The following ZZEF1 variants were observed in gnomAD, a reference collection of about 807,000 sequenced individuals.
The protein encoded by ZZEF1 is zinc finger ZZ-type and EF-hand domain-containing protein 1.
ZZEF1 carries 157 observed loss-of-function variants against 342.8 expected under a neutral mutation model. The observed-to-expected ratio is 0.46, with a 90% CI of 0.40 to 0.52. ZZEF1 has a LOEUF of 0.52. Ranked by LOEUF, ZZEF1 falls within the 20% of genes least tolerant of loss-of-function variation. The pLI, the probability that ZZEF1 is intolerant of heterozygous loss-of-function variation, is 0.00. For missense variants in ZZEF1, 3,480 were observed against 3,725.6 expected (o/e 0.93, Z 1.72); for synonymous variants, 1,505 against 1,429.1 (o/e 1.05, Z -1.20).
At chr17:4,082,132 C>A (rs530221115) in intron 17 of ZZEF1, among the ~76,000 whole-genome samples, 2 of 152,254 alleles carry the variant, frequency 1.3e-5, no homozygotes, top group East Asian at 3.9e-4. Flanking sequence ...TAACGTGACA[C>A]GAATACAAGA....
At chr17:4,046,769 T>A (rs561284244) in intron 37 of ZZEF1, among the ~76,000 whole-genome samples, 4 of 152,364 alleles carry the variant, frequency 2.6e-5, no homozygotes, top group East Asian at 1.9e-4. Context: ...AAATGACTTA[T>A]CTTTTTTCCT....
At chr17:4,112,518 C>T (rs2058330428) in intron 5 of ZZEF1, 91 bp downstream of exon 5, 1 of 1,301,740 alleles carries the variant, frequency 7.7e-7, no homozygotes, top group South Asian at 1.3e-5. Flanking sequence ...AAGAAGCAAA[C>T]CGAATCTCAA....
chr17:4,094,896 G>T (rs1597883272), intron 11 of ZZEF1, among the ~76,000 whole-genome samples: 1 of 152,092 alleles, frequency 6.6e-6, no homozygotes, highest in Non-Finnish European at 1.5e-5. Context: ...CTCCAGACTT[G>T]CTCTCCTCCA....
At position 4,085,757 on chromosome 17, in the gene ZZEF1, T is replaced by C. The variant is rs1216206383; in HGVS notation, c.2559A>G (p.Lys853=). Residue 853 remains lysine (K), a synonymous_variant, in exon 16 of 55, where the codon AAA becomes AAG. Transcript: ENST00000381638. Reference sequence around the variant, plus strand: ...TGAGAAGGGTATTCCTGACTTCTTGTTTTAGTATCTCCATGGGCACAGAGT... The same window carrying C: ...TGAGAAGGGTATTCCTGACTTCTTGCTTTAGTATCTCCATGGGCACAGAGT... ...DGDSVPMEIL[K]QEVRNTLLNG... is the part of the protein sequence containing the mutation. 6.2e-7 allele frequency: 1 copy of C among 1,614,144 alleles called. No homozygotes were observed. Among genetic ancestry groups the C allele is most frequent in the Non-Finnish European group, 8.5e-7 (1 of 1,180,000 alleles).
At chr17:4,128,527 T>C (rs2145574404) in intron 1 of ZZEF1, among the ~76,000 whole-genome samples, 1 of 150,546 alleles carries the variant, frequency 6.6e-6, no homozygotes, top group South Asian at 2.2e-4. Context: ...TTGCGTGATC[T>C]AGGCTCACTG....
At chr17:4,024,772 T>C in intron 43 of ZZEF1, 147 bp downstream of exon 43, 1 of 760,246 alleles carries the variant, frequency 1.3e-6, no homozygotes, top group Non-Finnish European at 2.2e-6. Context: ...AAGTTATCTG[T>C]GTGTAAGGCC....
chr17:4,039,641 CT>C (rs1166970366), intron 39 of ZZEF1, among the ~76,000 whole-genome samples: 393 of 119,560 alleles, frequency 3.3e-3, no homozygotes, highest in African/African-American at 7.2e-3. Context: ...AGAAAGAGAA[CT>C]TTTTTTTTTT....
At chr17:4,100,873 C>T (rs908315795) in intron 9 of ZZEF1, among the ~76,000 whole-genome samples, 2 of 152,080 alleles carry the variant, frequency 1.3e-5, no homozygotes, top group Non-Finnish European at 2.9e-5. Flanking sequence ...AATCCACTTC[C>T]TCACATGCTC....
Position 4,010,267 on chromosome 17 carries a change from C to T in ZZEF1, c.8580-510G>A, listed in dbSNP as rs185864902. ...TACTCGAGAGGCTGAGGTGGGAGGA[C>T]TGCTTGAGCCCAGGAGTTGGAGGTT... On this transcript the variant is annotated intron_variant, in intron 52 of 54. Transcript: ENST00000381638. Among the ~76,000 whole-genome samples the T allele has an allele frequency of 4.1e-3, 629 of 151,634 alleles. 2 individuals are homozygous for T. The highest frequency in any genetic ancestry group is 7.7e-3 in the Non-Finnish European group (521 of 67,860).
intron 13 of ZZEF1, 77 bp from the exon 14 acceptor site, chr17:4,087,611 C>A: frequency 7.8e-7 from 1 of 1,279,810 alleles, no homozygotes. Context: ...TCATTTACTT[C>A]TAATTGTAAA....
chr17:4,087,605 T>TACAG (rs2057857324), intron 13 of ZZEF1, 71 bp from the exon 14 acceptor site: 1 of 1,308,502 alleles, frequency 7.6e-7, no homozygotes, highest in Non-Finnish European at 1.1e-6. Context: ...AATGCCTCAT[T>TACAG]TACTTCTAAT....
Position 4,142,530 on chromosome 17 carries a change from G to C in ZZEF1, c.354+12C>G. 2 of 1,589,040 alleles carry C rather than the reference G, an allele frequency of 1.3e-6. No individual in the cohort carries two copies. The highest frequency in any genetic ancestry group is 3.3e-4 in the Middle Eastern group (2 of 6,018). On this transcript the variant is annotated intron_variant, in intron 1 of 54. Coordinates refer to ENST00000381638, the MANE Select transcript of ZZEF1 (RefSeq NM_015113.4). Reference sequence around the variant, plus strand: ...CCCTGCCCCATCCCCGCAGTCGCCTGCCGGCCCTGACCTCCTCGAACTGCT... The same window carrying C: ...CCCTGCCCCATCCCCGCAGTCGCCTCCCGGCCCTGACCTCCTCGAACTGCT...
chr17:4,066,323 G>C (rs999763114), intron 28 of ZZEF1, 124 bp downstream of exon 28: 1 of 788,038 alleles, frequency 1.3e-6, no homozygotes. Context: ...TTTAGCATCT[G>C]TGTTACTTTC....
chr17:4,112,330 G>C (rs977064648), intron 5 of ZZEF1, among the ~76,000 whole-genome samples: 1 of 151,440 alleles, frequency 6.6e-6, no homozygotes, highest in African/African-American at 2.4e-5. Flanking sequence ...ATTTTTAGTA[G>C]AGACAGGGTT....
At position 4,081,230 on chromosome 17, in the gene ZZEF1, C is replaced by T. The variant is rs557756266; in HGVS notation, c.2829+146G>A. On this transcript the variant is annotated intron_variant, in intron 18 of 54. Coordinates refer to ENST00000381638, the MANE Select transcript of ZZEF1 (RefSeq NM_015113.4). ...CCAGCCCGGGTGACAGAGCAAGACC[C>T]TATCTCAAAACAACAACAACAACAG... 347 of 694,268 alleles carry T rather than the reference C, an allele frequency of 5.0e-4. No individual in the cohort carries two copies. In the African/African-American group the frequency reaches 5.5e-3, roughly 11 times the overall value. 43.0% of individuals were successfully genotyped at this position (694,268 alleles called of 1,614,324 possible).
At chr17:4,047,799 G>A (rs985173540) in intron 37 of ZZEF1, among the ~76,000 whole-genome samples, 17 of 149,754 alleles carry the variant, frequency 1.1e-4, no homozygotes, top group African/African-American at 3.0e-4. Flanking sequence ...AAATTAGCTG[G>A]GCGTGGTGGT....
At chr17:4,098,878 T>C (rs983181260) in intron 9 of ZZEF1, among the ~76,000 whole-genome samples, 1 of 152,216 alleles carries the variant, frequency 6.6e-6, no homozygotes, top group Non-Finnish European at 1.5e-5. Flanking sequence ...CTACCAACAA[T>C]TCACACAACT....
At chr17:4,042,312 TA>T in intron 39 of ZZEF1, 116 bp downstream of exon 39, 2 of 1,147,172 alleles carry the variant, frequency 1.7e-6, no homozygotes, top group South Asian at 1.6e-5. Context: ...TTATAACTTC[TA>T]ATCCTACCCT....
At chr17:4,086,681 G>A in intron 14 of ZZEF1, 26 bp from the exon 15 acceptor site, 1 of 1,611,778 alleles carries the variant, frequency 6.2e-7, no homozygotes, top group Non-Finnish European at 8.5e-7. Context: ...AAACATCAGA[G>A]AGCAAAAGGG....
Sources: allele counts gnomAD v4.1 joint callset (sites outside exome capture counted in the v4.1 genomes callset), GRCh38; gene constraint gnomAD v4.1.1; transcripts MANE v1.5; gene names NCBI Gene and HGNC (gene_info 2026-07-23, HGNC 2026-07-21).